Variants in MYO18B observed in about 807,000 individuals in gnomAD.
The protein encoded by MYO18B is unconventional myosin-XVIIIb.
In MYO18B, 204 loss-of-function variants were observed where a neutral mutation model predicts 273.0. That is an observed-to-expected ratio of 0.75 (90% CI 0.67 to 0.84). The LOEUF (loss-of-function observed/expected upper bound fraction) is 0.84, where lower values mean the gene tolerates loss of function less well. Among genes scored for constraint, MYO18B ranks in the 40% least tolerant of loss-of-function variants. The pLI is 0.00. For missense variants in MYO18B, 3,212 were observed against 3,287.6 expected, an observed-to-expected ratio of 0.98 and a Z score of 0.56; for synonymous variants, 1,330 against 1,305.7, an observed-to-expected ratio of 1.02 and a Z score of -0.40.
intron 34 of MYO18B, among the ~76,000 whole-genome samples, chr22:25,932,380 C>CT (rs1229936988): frequency 7.3e-6 from 1 of 136,518 alleles, no homozygotes; most frequent in East Asian, 2.0e-4. Flanking sequence ...CCTTCTTTCT[C>CT]TTTTCTTTTC....
chr22:25,868,266 T>G, intron 21 of MYO18B, 54 bp from the exon 22 acceptor site: 1 of 1,486,000 alleles, frequency 6.7e-7, no homozygotes, highest in South Asian at 1.2e-5. Context: ...ACTTTCCCCT[T>G]TAGGATCCTC....
chr22:25,821,402 C>A (rs572454695), intron 12 of MYO18B, among the ~76,000 whole-genome samples: 120 of 152,118 alleles, frequency 7.9e-4, no homozygotes, highest in Non-Finnish European at 1.4e-3. Flanking sequence ...TTGCATTTCC[C>A]TGATGATTAG....
chr22:25,890,685 G>C (rs2091633744), intron 25 of MYO18B, 71 bp from the exon 26 acceptor site: 1 of 1,582,796 alleles, frequency 6.3e-7, no homozygotes, highest in African/African-American at 1.3e-5. Flanking sequence ...AGGCGATCCT[G>C]TGCATGGGGA....
chr22:25,923,555 A>G (rs1161521085), intron 34 of MYO18B, among the ~76,000 whole-genome samples: 1 of 152,202 alleles, frequency 6.6e-6, no homozygotes, highest in African/African-American at 2.4e-5. Flanking sequence ...AGAGTCGGGG[A>G]TTTGAATACC....
At chr22:25,997,958 A>ACAAACAC (rs1569278959) in intron 40 of MYO18B, among the ~76,000 whole-genome samples, 1 of 105,706 alleles carries the variant, frequency 9.5e-6, no homozygotes, top group African/African-American at 4.1e-5. Flanking sequence ...CACACACACA[A>ACAAACAC]ACACACACAC....
intron 42 of MYO18B, among the ~76,000 whole-genome samples, chr22:26,005,086 A>T: frequency 6.6e-6 from 1 of 152,180 alleles, no homozygotes; most frequent in East Asian, 1.9e-4. Context: ...AATTTTATTT[A>T]CTGATCCAAA....
chr22:25,770,095 G>C lies in MYO18B; in HGVS notation c.1513-15G>C, dbSNP rs960503408. 8 of 1,613,806 alleles carry C rather than the reference G, an allele frequency of 5.0e-6. No individual in the cohort carries two copies. Among genetic ancestry groups the C allele is most frequent in the East Asian group, 2.2e-5 (1 of 44,872 alleles). On this transcript the variant is annotated splice_polypyrimidine_tract_variant and intron_variant, in intron 4 of 43. Coordinates refer to ENST00000335473, the MANE Select transcript of MYO18B (RefSeq NM_032608.7). ...TGCCATTTGCTGGTTTAATTTACGT[G>C]ATGTTGGTTCTCAGGCTCCTGAGGA... is the stretch of plus-strand genomic sequence containing the variant.
chr22:25,983,831 G>A (rs566412820), intron 39 of MYO18B, among the ~76,000 whole-genome samples: 4 of 152,308 alleles, frequency 2.6e-5, no homozygotes, highest in South Asian at 2.1e-4. Context: ...CAGCGCTATT[G>A]AGGTCTCACT....
chr22:25,853,136 TCAG>T (rs2090471405), intron 21 of MYO18B, among the ~76,000 whole-genome samples: 1 of 151,168 alleles, frequency 6.6e-6, no homozygotes, highest in Admixed American at 6.6e-5. Flanking sequence ...ATCATCAACA[TCAG>T]CAGCAGCACC....
Position 25,769,029 on chromosome 22 carries a change from G to A in MYO18B, c.1113G>A (p.Met371Ile), listed in dbSNP as rs1354268174. 2 of 1,611,358 alleles carry A rather than the reference G, an allele frequency of 1.2e-6. No individual in the cohort carries two copies. The highest frequency in any genetic ancestry group is 1.3e-5 in the African/African-American group (1 of 74,906). The change falls in exon 4 of 44, where the codon ATG becomes ATA. Residue 371 changes from methionine to isoleucine, a missense_variant. Coordinates refer to ENST00000335473, the MANE Select transcript of MYO18B (RefSeq NM_032608.7). ...GCGAGTTGGGGGACGATCTGAGAAT[G>A]GGGGAGAAAGCAGGTGAGCTTCGGA... ...VQGELGDDLR[M>I]GEKAGELRST...
intron 21 of MYO18B, among the ~76,000 whole-genome samples, chr22:25,867,386 C>T (rs1314600051): frequency 6.6e-6 from 1 of 152,136 alleles, no homozygotes. Context: ...AGTACTTGTC[C>T]TTTTGTGACT....
At position 25,888,674 on chromosome 22, in the gene MYO18B, A is replaced by C. The variant is rs191502840; in HGVS notation, c.4315-2082A>C. Among the ~76,000 whole-genome samples, 43 of 152,262 alleles carry C rather than the reference A, an allele frequency of 2.8e-4. No individual in the cohort carries two copies. In the East Asian group the frequency reaches 7.9e-3, roughly 28 times the overall value. The stretch of plus-strand genomic sequence containing the variant: ...TCCCATGCTGGAGACAACCAGGAAC[A>C]CCCTAGGAGAGTCCCTCATTAATTA... On this transcript the variant is annotated intron_variant, in intron 25 of 43. Coordinates refer to ENST00000335473, the MANE Select transcript of MYO18B (RefSeq NM_032608.7).
chr22:26,011,610 C>G (rs887788027), intron 42 of MYO18B, among the ~76,000 whole-genome samples: 1 of 152,216 alleles, frequency 6.6e-6, no homozygotes, highest in African/African-American at 2.4e-5. Flanking sequence ...GGTCCCCATT[C>G]AGTAACCTTG....
intron 7 of MYO18B, among the ~76,000 whole-genome samples, chr22:25,776,240 A>T (rs1182276008): frequency 1.3e-5 from 2 of 152,168 alleles, no homozygotes; most frequent in Non-Finnish European, 2.9e-5. Context: ...ATTTTATTTC[A>T]TTGATGCACT....
intron 23 of MYO18B, 88 bp from the exon 24 acceptor site, chr22:25,876,101 C>A: frequency 7.2e-7 from 1 of 1,384,476 alleles, no homozygotes; most frequent in Non-Finnish European, 9.9e-7. Flanking sequence ...CTTCCTCCAG[C>A]CCCTTTGCTA....
intron 25 of MYO18B, among the ~76,000 whole-genome samples, chr22:25,885,034 G>C (rs2091456807): frequency 1.3e-5 from 2 of 152,146 alleles, no homozygotes; most frequent in South Asian, 4.1e-4. Context: ...ATCGTAGACA[G>C]TTTTATACCC....
At position 25,921,309 on chromosome 22, in the gene MYO18B, G is replaced by A. The variant is rs1186766816; in HGVS notation, c.5417G>A (p.Arg1806Lys). 6.4e-7 allele frequency: 1 copy of A among 1,563,234 alleles called. No individual in the cohort carries two copies. Among genetic ancestry groups the A allele is most frequent in the South Asian group, 1.2e-5 (1 of 84,616 alleles). Residue 1806 changes from arginine (R) to lysine (K), a missense_variant, in exon 34 of 44, where the codon AGG becomes AAG. Coordinates refer to ENST00000335473, the MANE Select transcript of MYO18B (RefSeq NM_032608.7). ...AAGCGACTTCGGAGAGACCTCAGGAGGACACATGCACTGTTGTCAGACGTG... is the reference window on the plus strand; with the variant it reads ...AAGCGACTTCGGAGAGACCTCAGGAAGACACATGCACTGTTGTCAGACGTG... ...VEKRLRRDLR[R>K]THALLSDVQL...
At chr22:25,751,000 G>A (rs917094727) in intron 1 of MYO18B, among the ~76,000 whole-genome samples, 3 of 152,130 alleles carry the variant, frequency 2.0e-5, no homozygotes, top group Non-Finnish European at 1.5e-5. Context: ...TCTGGTCCAC[G>A]AATCAGCCCC....
At chr22:25,778,311 A>G (rs553201095) in intron 8 of MYO18B, among the ~76,000 whole-genome samples, 154 of 152,228 alleles carry the variant, frequency 1.0e-3, no homozygotes, top group Non-Finnish European at 1.9e-3. Context: ...GAAGAAACTC[A>G]GGGAGCGCAG....
Sources: gnomAD v4.1 joint callset for allele counts (sites outside exome capture counted in the v4.1 genomes callset) on GRCh38, gnomAD v4.1.1 for gene constraint, MANE v1.5 for transcripts, NCBI Gene and HGNC (gene_info 2026-07-23, HGNC 2026-07-21) for gene names.